Variants in ZMYM4 observed in about 807,000 individuals in gnomAD.
The protein encoded by ZMYM4 is zinc finger MYM-type protein 4.
ZMYM4 carries 31 observed loss-of-function variants against 183.2 expected under a neutral mutation model. The ratio of observed to expected loss-of-function variants is 0.17; its 90% CI spans 0.13 to 0.23. The LOEUF (loss-of-function observed/expected upper bound fraction) is 0.23, where lower values mean the gene tolerates loss of function less well. Ranked by LOEUF, ZMYM4 falls within the 10% of genes least tolerant of loss-of-function variation. ZMYM4 has a pLI of 1.00. For synonymous variants in ZMYM4, 592 were observed against 631.2 expected (o/e 0.94, Z 0.93); for missense variants, 1,273 against 1,840.3 (o/e 0.69, Z 5.64).
chr1:35,340,152 A>G (rs988851759), intron 2 of ZMYM4, among the ~76,000 whole-genome samples: 1 of 152,194 alleles, frequency 6.6e-6, no homozygotes, highest in African/African-American at 2.4e-5. Flanking sequence ...ATTTTATTTA[A>G]TTATCATGAA....
rs374349718 is a variant in ZMYM4 at position 35,338,912 on chromosome 1, A to C, written c.85+13507A>C. Among the ~76,000 whole-genome samples, 16 of 152,350 alleles carry C rather than the reference A, an allele frequency of 1.1e-4. No individual in the cohort carries two copies. In the East Asian group the frequency reaches 2.7e-3, roughly 26 times the overall value. ...CTTCTCATTCATCTCTTATGTCTTCATAAAATCTTTGCATATGCAGAAGTT... is the reference window on the plus strand; with the variant it reads ...CTTCTCATTCATCTCTTATGTCTTCCTAAAATCTTTGCATATGCAGAAGTT... On this transcript the variant is annotated intron_variant, in intron 2 of 29. Coordinates refer to ENST00000314607, the MANE Select transcript of ZMYM4 (RefSeq NM_005095.3).
At chr1:35,283,976 G>GT (rs1007023907) in intron 1 of ZMYM4, among the ~76,000 whole-genome samples, 155 of 142,528 alleles carry the variant, frequency 1.1e-3, no homozygotes, top group Admixed American at 3.2e-3. Flanking sequence ...TTGTTTTTTT[G>GT]TTTTTTTTTT....
At chr1:35,298,708 T>G (rs1641137467) in intron 1 of ZMYM4, among the ~76,000 whole-genome samples, 1 of 152,190 alleles carries the variant, frequency 6.6e-6, no homozygotes, top group Non-Finnish European at 1.5e-5. Context: ...CCCTTCCTTC[T>G]AGAGTATTCC....
intron 1 of ZMYM4, among the ~76,000 whole-genome samples, chr1:35,273,315 ATTAT>A (rs1639710336): frequency 6.6e-6 from 1 of 152,252 alleles, no homozygotes; most frequent in African/African-American, 2.4e-5. Context: ...AAGTTGGCAT[ATTAT>A]TTAATTTTTT....
intron 2 of ZMYM4, among the ~76,000 whole-genome samples, chr1:35,333,822 A>G (rs1642859334): frequency 1.3e-5 from 2 of 152,120 alleles, no homozygotes; most frequent in Admixed American, 6.6e-5. Context: ...TGAGTACTTC[A>G]TAAAACCCCT....
At chr1:35,294,166 T>C (rs116634347) in intron 1 of ZMYM4, among the ~76,000 whole-genome samples, 2,518 of 152,080 alleles carry the variant, frequency 0.017, 66 homozygotes, top group African/African-American at 0.057. Context: ...AAATGTTTGT[T>C]CCAATTATTC....
At chr1:35,390,805 C>T (rs1338918713) in intron 15 of ZMYM4, among the ~76,000 whole-genome samples, 1 of 152,156 alleles carries the variant, frequency 6.6e-6, no homozygotes, top group African/African-American at 2.4e-5. Flanking sequence ...TAATTGGCTT[C>T]CTTAAAAAAT....
intron 1 of ZMYM4, 148 bp from the exon 2 acceptor site, chr1:35,325,212 A>G (rs1242538079): frequency 1.6e-6 from 1 of 626,808 alleles, no homozygotes; most frequent in Non-Finnish European, 2.5e-6. Context: ...ATTTTATTTT[A>G]CTCTATTTGG....
At chr1:35,298,031 C>T (rs1246775248) in intron 1 of ZMYM4, among the ~76,000 whole-genome samples, 1 of 152,206 alleles carries the variant, frequency 6.6e-6, no homozygotes, top group Non-Finnish European at 1.5e-5. Flanking sequence ...CGGCCACTGC[C>T]TCTAGGTCTG....
At chr1:35,340,833 G>C (rs1643174108) in intron 2 of ZMYM4, among the ~76,000 whole-genome samples, 1 of 152,078 alleles carries the variant, frequency 6.6e-6, no homozygotes, top group Non-Finnish European at 1.5e-5. Context: ...CTGTGGCCTG[G>C]AGTTTGGGTA....
At chr1:35,397,939 A>G (rs1428152744) in intron 20 of ZMYM4, among the ~76,000 whole-genome samples, 3 of 152,196 alleles carry the variant, frequency 2.0e-5, no homozygotes, top group African/African-American at 4.8e-5. Flanking sequence ...ACTGATAGAT[A>G]GATCTCATAC....
intron 6 of ZMYM4, 31 bp from the exon 7 acceptor site, chr1:35,370,338 ATTT>A (rs35122134): frequency 7.9e-3 from 8,801 of 1,107,672 alleles, no homozygotes; most frequent in Middle Eastern, 0.013. Context: ...TTTTCTTTCA[ATTT>A]TTTTTTTTTT....
intron 1 of ZMYM4, among the ~76,000 whole-genome samples, chr1:35,303,899 A>G (rs75965978): frequency 0.016 from 2,364 of 152,326 alleles, 68 homozygotes; most frequent in African/African-American, 0.054. Flanking sequence ...GTTTAAAGCT[A>G]TAGACATTTC....
chr1:35,306,787 G>A (rs1190052653), intron 1 of ZMYM4, among the ~76,000 whole-genome samples: 1 of 152,110 alleles, frequency 6.6e-6, no homozygotes, highest in Non-Finnish European at 1.5e-5. Flanking sequence ...TTTCCCTATA[G>A]CAAATGCTTT....
At chr1:35,272,831 C>T (rs1639682122) in intron 1 of ZMYM4, among the ~76,000 whole-genome samples, 1 of 152,162 alleles carries the variant, frequency 6.6e-6, no homozygotes, top group Non-Finnish European at 1.5e-5. Context: ...GCCTCAGCCT[C>T]CCGAGTAGCT....
intron 20 of ZMYM4, 21 bp downstream of exon 20, chr1:35,397,566 TAAAG>T: frequency 6.4e-7 from 1 of 1,563,608 alleles, no homozygotes; most frequent in Non-Finnish European, 8.6e-7. Flanking sequence ...TCTTTAAAAG[TAAAG>T]AAAGAAAAAA....
At chr1:35,358,186 A>G (rs529812250) in intron 2 of ZMYM4, among the ~76,000 whole-genome samples, 15 of 152,252 alleles carry the variant, frequency 9.9e-5, no homozygotes, top group Admixed American at 9.8e-4. Flanking sequence ...TTTTTTTCCT[A>G]CAAGTTTGTG....
intron 2 of ZMYM4, among the ~76,000 whole-genome samples, chr1:35,344,398 A>G (rs11264140): frequency 0.064 from 9,682 of 151,988 alleles, 917 homozygotes; most frequent in East Asian, 0.44. Flanking sequence ...GTGAGAGGAG[A>G]GATTTTTAAC....
At chr1:35,403,738 A>G (rs1358530387) in intron 23 of ZMYM4, among the ~76,000 whole-genome samples, 1 of 152,018 alleles carries the variant, frequency 6.6e-6, no homozygotes, top group Non-Finnish European at 1.5e-5. Flanking sequence ...AATTTGTATA[A>G]TTTCTTTAAC....
Sources: gnomAD v4.1 joint callset for allele counts (sites outside exome capture counted in the v4.1 genomes callset) on GRCh38, gnomAD v4.1.1 for gene constraint, MANE v1.5 for transcripts, NCBI Gene and HGNC (gene_info 2026-07-23, HGNC 2026-07-21) for gene names.